The following CHD1 variants were observed in gnomAD, a reference collection of about 807,000 sequenced individuals.
CHD1 encodes the protein ATP-dependent chromatin remodeler CHD1.
CHD1 carries 36 observed loss-of-function variants against 224.2 expected under a neutral mutation model. The ratio of observed to expected loss-of-function variants is 0.16; its 90% CI spans 0.12 to 0.21. The LOEUF (loss-of-function observed/expected upper bound fraction) is 0.21. Ranked by LOEUF, CHD1 falls within the 10% of genes least tolerant of loss-of-function variation. The probability of loss-of-function intolerance (pLI) is 1.00; values close to 1 mark genes in which losing one functional copy is unlikely to be tolerated. For missense variants in CHD1, 1,378 were observed against 1,994.8 expected (o/e 0.69, Z 5.89); for synonymous variants, 668 against 658.3 (o/e 1.01, Z -0.23).
At chr5:98,896,473 G>C in intron 11 of CHD1, 31 bp from the exon 12 acceptor site, 2 of 1,487,670 alleles carry the variant, frequency 1.3e-6, no homozygotes, top group South Asian at 1.2e-5. Context: ...TAGCATGCAA[G>C]GAAATATTCA....
chr5:98,870,735 G>C lies in CHD1; in HGVS notation c.3930C>G (p.Ile1310Met). The change falls in exon 29 of 36, where the codon ATC (isoleucine) becomes ATG (methionine). Residue 1310 changes from isoleucine (I) to methionine (M), a missense_variant. Transcript: ENST00000614616. ...KQLQTRADYL[I>M]KLLSRDLAKK... ...TTGCAAGATCTCTACTAAGTAATTTGATGAGGTAGTCTGCACGGGTCTGCA... is the reference window on the plus strand; with the variant it reads ...TTGCAAGATCTCTACTAAGTAATTTCATGAGGTAGTCTGCACGGGTCTGCA... 1 of 1,611,726 alleles carries C rather than the reference G, an allele frequency of 6.2e-7. No individual in the cohort carries two copies. Among genetic ancestry groups the C allele is most frequent in the Middle Eastern group, 1.7e-4 (1 of 6,050 alleles).
intron 16 of CHD1, among the ~76,000 whole-genome samples, chr5:98,888,695 T>G (rs1039923201): frequency 2.6e-5 from 4 of 152,238 alleles, no homozygotes; most frequent in African/African-American, 9.6e-5. Flanking sequence ...CTGACTTATC[T>G]TCCAGAAGTA....
chr5:98,895,041 G>T (rs572799375), intron 12 of CHD1, among the ~76,000 whole-genome samples: 4 of 151,992 alleles, frequency 2.6e-5, no homozygotes, highest in African/African-American at 9.7e-5. Context: ...GACTGGTCTC[G>T]AACTCCCAGC....
chr5:98,890,739 A>T (rs1686849393), intron 15 of CHD1, among the ~76,000 whole-genome samples: 1 of 152,148 alleles, frequency 6.6e-6, no homozygotes, highest in Non-Finnish European at 1.5e-5. Flanking sequence ...ATTATCAAGC[A>T]CCTACATCTA....
chr5:98,882,979 T>TA, intron 19 of CHD1, 109 bp downstream of exon 19: 2 of 685,152 alleles, frequency 2.9e-6, no homozygotes, highest in Non-Finnish European at 4.3e-6. Context: ...TAAACAGTAG[T>TA]ATGACTGTTA....
chr5:98,855,326 AT>A lies in CHD1; in HGVS notation c.*1053del, dbSNP rs569611445. ...AAATGTTAACCTGGCTGCATAGCAC[AT>A]TTGACATTATTGCCCACATAAAACG... On this transcript the variant is annotated 3_prime_UTR_variant, in exon 36 of 36. Coordinates refer to ENST00000614616, the MANE Select transcript of CHD1 (RefSeq NM_001270.4). 202 of 152,734 alleles carry A rather than the reference AT, an allele frequency of 1.3e-3. No individual in the cohort carries two copies. The highest frequency in any genetic ancestry group is 4.8e-3 in the African/African-American group (199 of 41,576). The allele number at this position is 152,734 out of a possible 1,614,324, so 9.5% of individuals were successfully genotyped here.
At chr5:98,907,534 G>A (rs1752121076) in intron 2 of CHD1, among the ~76,000 whole-genome samples, 1 of 138,732 alleles carries the variant, frequency 7.2e-6, no homozygotes, top group Non-Finnish European at 1.5e-5. Context: ...GTTGCAGTGA[G>A]CCAAGTTCAC....
chr5:98,889,278 A>G (rs983169398), intron 15 of CHD1, 40 bp from the exon 16 acceptor site: 24 of 1,402,270 alleles, frequency 1.7e-5, no homozygotes, highest in Non-Finnish European at 2.2e-5. Flanking sequence ...TTAGCAGAAC[A>G]ATTACCAGGA....
Position 98,881,390 on chromosome 5 carries a change from A to C in CHD1, c.2868-15T>G. 1.5e-6 allele frequency: 2 copies of C among 1,298,660 alleles called. No homozygotes were observed. Among genetic ancestry groups the C allele is most frequent in the South Asian group, 2.8e-5 (2 of 71,056 alleles). The allele number at this position is 1,298,660 out of a possible 1,614,324, so 80.4% of individuals were successfully genotyped here. On this transcript the variant is annotated splice_polypyrimidine_tract_variant and intron_variant, in intron 20 of 35. Coordinates refer to ENST00000614616, the MANE Select transcript of CHD1 (RefSeq NM_001270.4). ...AAGGAGTAGAACTAAAACAGGAAAA[A>C]CAAAAATGCTTAACATTAACAGTTA...
intron 7 of CHD1, among the ~76,000 whole-genome samples, chr5:98,900,068 G>C (rs1326139066): frequency 6.6e-6 from 1 of 152,020 alleles, no homozygotes; most frequent in Admixed American, 6.5e-5. Context: ...GGATCACGAG[G>C]TCAGGAGATC....
At chr5:98,922,220 TACC>T (rs1204863235) in intron 2 of CHD1, among the ~76,000 whole-genome samples, 1 of 152,066 alleles carries the variant, frequency 6.6e-6, no homozygotes, top group African/African-American at 2.4e-5. Context: ...TGCTTGCAAA[TACC>T]ACCACAAATC....
rs1420171956 is a variant in CHD1 at position 98,920,788 on chromosome 5, C to G, written c.53+5546G>C. ...CTCCAGCCTGGGCAACAGAGCAAGA[C>G]GCCGTCTCAAAAAAAAAAAAAAAAA... On this transcript the variant is annotated intron_variant, in intron 2 of 35. Transcript: ENST00000614616. Among the ~76,000 whole-genome samples the G allele has an allele frequency of 4.1e-5, 6 of 147,550 alleles. No individual in the cohort carries two copies. The South Asian group carries it at 1.1e-3, about 26-fold the overall frequency.
At chr5:98,901,108 A>C in intron 6 of CHD1, 26 bp from the exon 7 acceptor site, 3 of 1,566,708 alleles carry the variant, frequency 1.9e-6, no homozygotes, top group East Asian at 2.2e-5. Flanking sequence ...GAGAAAAAAA[A>C]ACAAGATTTG....
chr5:98,876,357 T>G, intron 24 of CHD1, 41 bp downstream of exon 24: 1 of 1,589,716 alleles, frequency 6.3e-7, no homozygotes, highest in South Asian at 1.1e-5. Flanking sequence ...TTTCACACTC[T>G]ACTAAAACCA....
intron 30 of CHD1, 140 bp downstream of exon 30, chr5:98,869,614 G>A (rs1047551807): frequency 8.4e-5 from 65 of 770,370 alleles, no homozygotes; most frequent in Admixed American, 2.0e-4. Flanking sequence ...GCGTGCGCAC[G>A]TGCGCGCGCA....
intron 5 of CHD1, among the ~76,000 whole-genome samples, chr5:98,902,568 C>T (rs552368932): frequency 2.6e-5 from 4 of 151,996 alleles, no homozygotes; most frequent in Admixed American, 2.0e-4. Context: ...AAGAACCATC[C>T]AAAATCAGTC....
At position 98,896,111 on chromosome 5, in the gene CHD1, T is replaced by C. The variant is rs185954352; in HGVS notation, c.1710+115A>G. On this transcript the variant is annotated intron_variant, in intron 12 of 35. Coordinates refer to ENST00000614616, the MANE Select transcript of CHD1 (RefSeq NM_001270.4). The stretch of plus-strand genomic sequence containing the variant: ...TCCCAGTTGCAGTGAGCCAAGATCA[T>C]ACCACTGCACTCCAGCCTGGGAGAC... The C allele has an allele frequency of 6.3e-3, 5,188 of 827,742 alleles. 37 individuals carry two copies. Among genetic ancestry groups the C allele is most frequent in the Middle Eastern group, 8.5e-3 (30 of 3,532 alleles). 51.3% of individuals were successfully genotyped at this position (827,742 alleles called of 1,614,324 possible).
At chr5:98,907,391 C>G (rs1423121274) in intron 2 of CHD1, among the ~76,000 whole-genome samples, 2 of 152,000 alleles carry the variant, frequency 1.3e-5, no homozygotes, top group Non-Finnish European at 2.9e-5. Context: ...GAGTTCGAGA[C>G]CAGTCTGACC....
intron 5 of CHD1, 78 bp from the exon 6 acceptor site, chr5:98,901,413 C>T: frequency 8.7e-7 from 1 of 1,144,744 alleles, no homozygotes; most frequent in Non-Finnish European, 1.2e-6. Context: ...ATGATCAAAT[C>T]AACCAAACTA....
Sources: allele counts gnomAD v4.1 joint callset (sites outside exome capture counted in the v4.1 genomes callset), GRCh38; gene constraint gnomAD v4.1.1; transcripts MANE v1.5; gene names NCBI Gene and HGNC (gene_info 2026-07-23, HGNC 2026-07-21).